The following PTBP2 variants were observed in gnomAD, a reference collection of about 807,000 sequenced individuals.
PTBP2 encodes the protein polypyrimidine tract binding protein 2, also known as polypyrimidine tract-binding protein 2.
In PTBP2, 13 loss-of-function variants were observed where a neutral mutation model predicts 61.4. That is an observed-to-expected ratio of 0.21 (90% CI 0.14 to 0.34). The LOEUF is 0.34. Ranked by LOEUF, PTBP2 falls within the 10% of genes least tolerant of loss-of-function variation. The pLI is 1.00. For missense variants in PTBP2, 405 were observed against 642.6 expected (o/e 0.63, Z 4.00); for synonymous variants, 215 against 218.5 (o/e 0.98, Z 0.14).
chr1:96,812,153 A>G (rs751894610), intron 11 of PTBP2, among the ~76,000 whole-genome samples: 2 of 152,196 alleles, frequency 1.3e-5, no homozygotes, highest in Non-Finnish European at 2.9e-5. Context: ...ATGAGTTTCA[A>G]CTTTGTCCTT....
intron 8 of PTBP2, among the ~76,000 whole-genome samples, chr1:96,795,789 A>G (rs1378295025): frequency 6.6e-6 from 1 of 152,190 alleles, no homozygotes. Context: ...TCAGAAGTAA[A>G]GCAGGACCCA....
chr1:96,756,065 A>T (rs1004309894), intron 3 of PTBP2, among the ~76,000 whole-genome samples: 1 of 152,202 alleles, frequency 6.6e-6, no homozygotes, highest in Admixed American at 6.5e-5. Flanking sequence ...TGGAATGCAG[A>T]GTGGTACAGC....
At chr1:96,800,210 A>G (rs1660830459) in intron 8 of PTBP2, among the ~76,000 whole-genome samples, 1 of 152,152 alleles carries the variant, frequency 6.6e-6, no homozygotes, top group Non-Finnish European at 1.5e-5. Context: ...AGGTGAGGAC[A>G]CTGAATTAGC....
intron 2 of PTBP2, among the ~76,000 whole-genome samples, chr1:96,725,190 CTG>C (rs1326885550): frequency 1.3e-5 from 2 of 151,734 alleles, no homozygotes; most frequent in African/African-American, 4.8e-5. Context: ...GAGTTGTCGA[CTG>C]TTAGTGGAAA....
chr1:96,721,962 C>T, intron 1 of PTBP2, 90 bp downstream of exon 1: 1 of 1,520,762 alleles, frequency 6.6e-7, no homozygotes, highest in Non-Finnish European at 8.9e-7. Flanking sequence ...AACCCTCCCG[C>T]GGCCCCTCCC....
chr1:96,763,620 G>A (rs1478369700), intron 3 of PTBP2, among the ~76,000 whole-genome samples: 1 of 130,298 alleles, frequency 7.7e-6, no homozygotes, highest in African/African-American at 2.8e-5. Context: ...GAGGGGGAGG[G>A]GGAGGGGGAG....
chr1:96,777,568 A>G lies in PTBP2; in HGVS notation c.433-17A>G, dbSNP rs755344024. ...AATAATGGGTATGTTTCTAAACTAC[A>G]TAATCTTAATTTCCAGCGTGCTCAG... On this transcript the variant is annotated splice_polypyrimidine_tract_variant and intron_variant, in intron 5 of 13. Coordinates refer to ENST00000674951, the MANE Select transcript of PTBP2 (RefSeq NM_021190.4). 1.9e-6 allele frequency: 3 copies of G among 1,594,204 alleles called. No individual in the cohort carries two copies. The highest frequency in any genetic ancestry group is 1.1e-5 in the South Asian group (1 of 87,640).
In PTBP2 at chr1:96,785,103, G is replaced by A. The variant is rs1659078482; in HGVS notation, c.753G>A (p.Arg251=). 6.2e-7 allele frequency: 1 copy of A among 1,607,912 alleles called. No homozygotes were observed. The highest frequency in any genetic ancestry group is 1.7e-4 in the Middle Eastern group (1 of 6,056). The change falls in exon 8 of 14, where the codon AGG becomes AGA. Residue 251 remains arginine, a synonymous_variant. Transcript: ENST00000674951. ...QNIYNACCTL[R]IDFSKLVNLN... ...TTTATAATGCCTGCTGTACCCTAAG[G>A]ATTGATTTTTCCAAACTTGTGAATT...
At chr1:96,725,931 C>T (rs959840303) in intron 2 of PTBP2, among the ~76,000 whole-genome samples, 9 of 151,054 alleles carry the variant, frequency 6.0e-5, no homozygotes, top group East Asian at 2.0e-4. Flanking sequence ...AAAAATTAGC[C>T]GGGTGTGGTG....
intron 8 of PTBP2, among the ~76,000 whole-genome samples, chr1:96,803,488 A>G (rs1391069959): frequency 1.3e-5 from 2 of 152,180 alleles, no homozygotes; most frequent in Admixed American, 1.3e-4. Context: ...GAGCAAGAGT[A>G]TTAAATGAGA....
intron 8 of PTBP2, among the ~76,000 whole-genome samples, chr1:96,793,342 G>T (rs1353356516): frequency 6.6e-6 from 1 of 152,092 alleles, no homozygotes; most frequent in Non-Finnish European, 1.5e-5. Flanking sequence ...AGTAGATAGA[G>T]TTGTTCATTT....
At chr1:96,820,391 T>C (rs1662646157) in exon 14 of PTBP2, 2 of 152,134 alleles carry the variant, frequency 1.3e-5, no homozygotes, top group Non-Finnish European at 2.9e-5. Context: ...TATTCTAGCA[T>C]ATTTAATATA....
At chr1:96,734,326 A>G (rs1004318634) in intron 2 of PTBP2, among the ~76,000 whole-genome samples, 4 of 152,204 alleles carry the variant, frequency 2.6e-5, no homozygotes, top group African/African-American at 4.8e-5. Context: ...TCTTTAAAGA[A>G]TAGGGACTCT....
At chr1:96,729,401 ATTTTTTGTCTCCT>A (rs1651058144) in intron 2 of PTBP2, among the ~76,000 whole-genome samples, 1 of 152,024 alleles carries the variant, frequency 6.6e-6, no homozygotes, top group Non-Finnish European at 1.5e-5. Flanking sequence ...TCTGGATGCC[ATTTTTTGTCTCCT>A]TTTTTTGTCT....
At chr1:96,812,126 A>G (rs963961152) in intron 11 of PTBP2, among the ~76,000 whole-genome samples, 3 of 152,222 alleles carry the variant, frequency 2.0e-5, no homozygotes, top group Non-Finnish European at 2.9e-5. Context: ...TGGGAAAGGT[A>G]TAAGCCATGT....
At chr1:96,724,439 G>A (rs891907780) in intron 2 of PTBP2, among the ~76,000 whole-genome samples, 1 of 151,780 alleles carries the variant, frequency 6.6e-6, no homozygotes, top group African/African-American at 2.4e-5. Flanking sequence ...AGTAGAAATG[G>A]CATTTCACCC....
At chr1:96,723,868 G>A (rs1649992691) in intron 2 of PTBP2, among the ~76,000 whole-genome samples, 2 of 152,084 alleles carry the variant, frequency 1.3e-5, no homozygotes, top group African/African-American at 4.8e-5. Context: ...AATATAAAAC[G>A]ATACCCCAAT....
At chr1:96,780,482 C>T (rs1303543092) in intron 7 of PTBP2, among the ~76,000 whole-genome samples, 2 of 152,044 alleles carry the variant, frequency 1.3e-5, no homozygotes, top group African/African-American at 2.4e-5. Context: ...TCTTCCTCAG[C>T]GTCACCAGCG....
At chr1:96,760,644 G>A (rs1248977175) in intron 3 of PTBP2, among the ~76,000 whole-genome samples, 10 of 151,728 alleles carry the variant, frequency 6.6e-5, no homozygotes, top group African/African-American at 2.2e-4. Flanking sequence ...ACTGGGTTTC[G>A]CCATGTTGGC....
Sources: allele counts gnomAD v4.1 joint callset (sites outside exome capture counted in the v4.1 genomes callset), GRCh38; gene constraint gnomAD v4.1.1; transcripts MANE v1.5; gene names NCBI Gene and HGNC (gene_info 2026-07-23, HGNC 2026-07-21).